KCNC2: variants seen among roughly 807,000 people sequenced by gnomAD.
KCNC2 encodes potassium voltage-gated channel subfamily C member 2, also known as voltage-gated potassium channel KCNC2.
Under a neutral mutation model 44.5 loss-of-function variants are expected in KCNC2, and 21 were observed. The observed-to-expected ratio is 0.47, with a 90% confidence interval of 0.33 to 0.68. The LOEUF is 0.68. Among genes scored for constraint, KCNC2 ranks in the 30% least tolerant of loss-of-function variants. The pLI is 0.01. For synonymous variants in KCNC2, 391 were observed against 339.1 expected (o/e 1.15, Z -1.68); for missense variants, 589 against 826.2 (o/e 0.71, Z 3.52).
intron 2 of KCNC2, among the ~76,000 whole-genome samples, chr12:75,128,604 G>A (rs1469966889): frequency 6.6e-6 from 1 of 151,838 alleles, no homozygotes; most frequent in East Asian, 1.9e-4. Context: ...CCTCTGTTCA[G>A]AAGAAAAGAA....
intron 2 of KCNC2, among the ~76,000 whole-genome samples, chr12:75,165,925 T>A (rs1476655253): frequency 6.6e-6 from 1 of 151,388 alleles, no homozygotes. Flanking sequence ...ATAAAAACTA[T>A]ATTAAATGTA....
At chr12:75,071,292 T>G (rs1009218014) in intron 2 of KCNC2, among the ~76,000 whole-genome samples, 1 of 152,164 alleles carries the variant, frequency 6.6e-6, no homozygotes, top group Non-Finnish European at 1.5e-5. Flanking sequence ...ATGACAGCCT[T>G]ACTTATTTAT....
At chr12:75,061,357 T>A (rs1382515357) in intron 2 of KCNC2, among the ~76,000 whole-genome samples, 2 of 152,040 alleles carry the variant, frequency 1.3e-5, no homozygotes, top group Admixed American at 1.3e-4. Context: ...AGTAGGGTAC[T>A]GTGAGAGATG....
At chr12:75,165,940 G>C (rs1429399680) in intron 2 of KCNC2, among the ~76,000 whole-genome samples, 1 of 151,346 alleles carries the variant, frequency 6.6e-6, no homozygotes, top group Non-Finnish European at 1.5e-5. Context: ...AATGTAAGTT[G>C]ATTGAACACT....
chr12:75,101,267 C>T (rs1259058305), intron 2 of KCNC2, among the ~76,000 whole-genome samples: 1 of 152,004 alleles, frequency 6.6e-6, no homozygotes, highest in East Asian at 1.9e-4. Context: ...AAAAATATGA[C>T]CATTAAACTT....
intron 2 of KCNC2, among the ~76,000 whole-genome samples, chr12:75,117,294 A>G (rs1334515460): frequency 1.3e-5 from 2 of 152,186 alleles, no homozygotes; most frequent in Non-Finnish European, 2.9e-5. Flanking sequence ...GAAAAAATAC[A>G]AGCTGCACTG....
At chr12:75,121,128 C>T (rs979506386) in intron 2 of KCNC2, among the ~76,000 whole-genome samples, 8 of 152,158 alleles carry the variant, frequency 5.3e-5, no homozygotes, top group African/African-American at 1.9e-4. Context: ...TTATCTCACT[C>T]CTATTTCCTA....
intron 2 of KCNC2, among the ~76,000 whole-genome samples, chr12:75,062,514 A>C (rs1281969672): frequency 6.6e-6 from 1 of 152,112 alleles, no homozygotes. Context: ...AGAAATATGC[A>C]AATAAGTATT....
In KCNC2 at chr12:75,042,585, G is replaced by A; in HGVS notation, c.*520C>T. 3 of 1,366,132 alleles carry A rather than the reference G, an allele frequency of 2.2e-6. No homozygotes were observed. The highest frequency in any genetic ancestry group is 2.8e-6 in the Non-Finnish European group (3 of 1,060,992). 84.6% of individuals were successfully genotyped at this position (1,366,132 alleles called of 1,614,324 possible). On this transcript the variant is annotated 3_prime_UTR_variant, in exon 5 of 5. Transcript: ENST00000549446. ...ATATCAGCAGGATGGTTCGATGCAA[G>A]TACACATATCCTGAGCTATCCACAG...
chr12:75,123,806 G>C (rs1888208510), intron 2 of KCNC2, among the ~76,000 whole-genome samples: 1 of 152,094 alleles, frequency 6.6e-6, no homozygotes, highest in African/African-American at 2.4e-5. Flanking sequence ...GAAAACAGGA[G>C]AAACTTCAAA....
rs760961321 is a variant in KCNC2, at chr12:75,207,973, A to G, written c.11T>C (p.Ile4Thr). ...GAGGATCACCCTCTCGTTGTTCTCGATCTTGCCCATCTCTGTGACTCAGAC... is the reference window on the plus strand; with the variant it reads ...GAGGATCACCCTCTCGTTGTTCTCGGTCTTGCCCATCTCTGTGACTCAGAC... MGK[I>T]ENNERVILNV... Residue 4 changes from isoleucine to threonine, a missense_variant, in exon 2 of 5, where the codon ATC (isoleucine) becomes ACC (threonine). Ile to Thr is a moderately conservative substitution (Grantham distance 89). This residue lies in a region of KCNC2 where 148 missense variants were observed against 140.1 expected (regional missense o/e 1.06). Transcript: ENST00000549446. The surrounding 1 kb of genome is among the most constrained non-coding windows in gnomAD (Gnocchi z 4.1). 1 of 1,612,128 alleles carries G rather than the reference A, an allele frequency of 6.2e-7. No homozygotes were observed. Among genetic ancestry groups the G allele is most frequent in the African/African-American group, 1.3e-5 (1 of 74,812 alleles).
chr12:75,195,053 T>C (rs773908466), intron 2 of KCNC2, among the ~76,000 whole-genome samples: 5 of 152,204 alleles, frequency 3.3e-5, no homozygotes, highest in Non-Finnish European at 7.3e-5. Flanking sequence ...TCATTTTCAT[T>C]TAATCCTAGT....
At chr12:75,060,695 T>G (rs1362747254) in intron 2 of KCNC2, among the ~76,000 whole-genome samples, 2 of 152,062 alleles carry the variant, frequency 1.3e-5, no homozygotes, top group African/African-American at 4.8e-5. Flanking sequence ...GGCCTTGAAC[T>G]CCTGAGCTCA....
chr12:75,144,435 G>T (rs1356919843), intron 2 of KCNC2, among the ~76,000 whole-genome samples: 1 of 152,068 alleles, frequency 6.6e-6, no homozygotes, highest in Non-Finnish European at 1.5e-5. Flanking sequence ...CTAAATTAGG[G>T]CCACTAGAAC....
At chr12:75,140,383 A>G (rs970777724) in intron 2 of KCNC2, among the ~76,000 whole-genome samples, 15 of 152,216 alleles carry the variant, frequency 9.9e-5, no homozygotes, top group African/African-American at 3.6e-4. Context: ...TATTATTACA[A>G]TCTATCAAAT....
At chr12:75,129,988 A>G (rs1888715025) in intron 2 of KCNC2, among the ~76,000 whole-genome samples, 1 of 152,216 alleles carries the variant, frequency 6.6e-6, no homozygotes, top group Admixed American at 6.5e-5. Flanking sequence ...TACCCATAAT[A>G]TGCCAGCCTT....
intron 2 of KCNC2, among the ~76,000 whole-genome samples, chr12:75,128,625 A>C (rs1888611603): frequency 6.6e-6 from 1 of 152,082 alleles, no homozygotes; most frequent in African/African-American, 2.4e-5. Flanking sequence ...AATCATACTT[A>C]GGGTTTTGTT....
intron 2 of KCNC2, among the ~76,000 whole-genome samples, chr12:75,204,561 TAA>T (rs1179039111): frequency 6.6e-6 from 1 of 152,072 alleles, no homozygotes; most frequent in Non-Finnish European, 1.5e-5. Flanking sequence ...TGTTAAAAAA[TAA>T]GAGTGTTTAT....
At chr12:75,147,206 G>T (rs1345532565) in intron 2 of KCNC2, among the ~76,000 whole-genome samples, 2 of 151,988 alleles carry the variant, frequency 1.3e-5, no homozygotes, top group Non-Finnish European at 2.9e-5. Flanking sequence ...AAGACACCTA[G>T]AGATAAACAA....
Sources: gnomAD v4.1 joint callset for allele counts (sites outside exome capture counted in the v4.1 genomes callset) on GRCh38, gnomAD v4.1.1 for gene constraint, gnomAD v4.1.1 regional missense constraint, Gnocchi (gnomAD v3.1) non-coding constraint, MANE v1.5 for transcripts, NCBI Gene and HGNC (gene_info 2026-07-23, HGNC 2026-07-21) for gene names.